COL24A1: variants seen among roughly 807,000 people sequenced by gnomAD.
COL24A1 encodes collagen alpha-1(XXIV) chain.
In COL24A1, 224 loss-of-function variants were observed where a neutral mutation model predicts 253.9. The ratio of observed to expected loss-of-function variants is 0.88; its 90% CI spans 0.79 to 0.99. The LOEUF (loss-of-function observed/expected upper bound fraction) is 0.99, where lower values mean the gene tolerates loss of function less well. Ranked by LOEUF, COL24A1 falls within the 50% of genes least tolerant of loss-of-function variation. COL24A1 has a pLI of 0.00. For missense variants in COL24A1, 2,131 were observed against 2,068.5 expected (o/e 1.03, Z -0.59); for synonymous variants, 685 against 673.7 (o/e 1.02, Z -0.26).
At chr1:85,877,277 G>C (rs144359786) in intron 32 of COL24A1, 102 bp from the exon 33 acceptor site, 11 of 724,972 alleles carry the variant, frequency 1.5e-5, no homozygotes, top group Admixed American at 6.5e-5. Context: ...CATAACACAT[G>C]ATTATGTAAA....
At chr1:85,797,709 T>C (rs1670983831) in intron 47 of COL24A1, among the ~76,000 whole-genome samples, 1 of 152,198 alleles carries the variant, frequency 6.6e-6, no homozygotes, top group African/African-American at 2.4e-5. Context: ...CTCTACTTCA[T>C]GGAGGTTTTG....
chr1:85,741,327 A>G (rs1311440158), intron 57 of COL24A1, among the ~76,000 whole-genome samples: 2 of 152,076 alleles, frequency 1.3e-5, no homozygotes, highest in Non-Finnish European at 2.9e-5. Context: ...TTTTGAAATT[A>G]TTTGTGGAAA....
chr1:85,852,295 G>A (rs1570919061), intron 37 of COL24A1, among the ~76,000 whole-genome samples: 1 of 151,930 alleles, frequency 6.6e-6, no homozygotes, highest in African/African-American at 2.4e-5. Context: ...ATTTCCATTG[G>A]TCTGTTTGTT....
intron 19 of COL24A1, among the ~76,000 whole-genome samples, chr1:86,015,883 C>CTTTTTTTTT (rs34005326): frequency 7.3e-6 from 1 of 136,204 alleles, no homozygotes; most frequent in African/African-American, 2.7e-5. Flanking sequence ...TCTACTTTTT[C>CTTTTTTTTT]TTTTTTTTTT....
intron 43 of COL24A1, among the ~76,000 whole-genome samples, chr1:85,834,805 C>T (rs1017651934): frequency 6.6e-6 from 1 of 152,102 alleles, no homozygotes; most frequent in African/African-American, 2.4e-5. Context: ...CCTCCATGTC[C>T]TCTGGCTCTC....
chr1:85,734,648 G>C, intron 59 of COL24A1, 101 bp downstream of exon 59: 1 of 1,018,974 alleles, frequency 9.8e-7, no homozygotes, highest in East Asian at 2.4e-5. Context: ...TTCTGTATCT[G>C]CAGTTTGTAA....
intron 42 of COL24A1, among the ~76,000 whole-genome samples, chr1:85,839,570 A>G (rs1028666499): frequency 6.6e-6 from 1 of 151,898 alleles, no homozygotes; most frequent in African/African-American, 2.4e-5. Context: ...AAAAAAATTA[A>G]AAAATAATAA....
chr1:86,001,679 G>GGAA (rs1244900650), intron 19 of COL24A1, among the ~76,000 whole-genome samples: 4 of 152,206 alleles, frequency 2.6e-5, no homozygotes, highest in African/African-American at 9.6e-5. Context: ...GATGGGAAGG[G>GGAA]CAAATTATAG....
intron 28 of COL24A1, among the ~76,000 whole-genome samples, chr1:85,901,819 C>T (rs1204013522): frequency 1.6e-4 from 6 of 38,504 alleles, no homozygotes; most frequent in Non-Finnish European, 3.1e-4. Context: ...GATGAGACTC[C>T]GTCTCAAAAA....
At chr1:85,833,103 C>G (rs931955058) in intron 43 of COL24A1, among the ~76,000 whole-genome samples, 1 of 152,080 alleles carries the variant, frequency 6.6e-6, no homozygotes, top group Non-Finnish European at 1.5e-5. Flanking sequence ...TACGTCCCAT[C>G]AATACCTAAT....
chr1:85,878,209 C>G (rs1236706051), intron 32 of COL24A1, among the ~76,000 whole-genome samples: 3 of 152,132 alleles, frequency 2.0e-5, no homozygotes, highest in African/African-American at 7.2e-5. Flanking sequence ...ATTTATTTCC[C>G]ACAGTTCTGG....
intron 20 of COL24A1, among the ~76,000 whole-genome samples, chr1:85,980,770 A>C (rs1268504123): frequency 6.6e-6 from 1 of 152,010 alleles, no homozygotes; most frequent in East Asian, 1.9e-4. Context: ...TTAGCCAGGC[A>C]TGGTGGTGGG....
chr1:85,799,582 C>T (rs1671216714), intron 47 of COL24A1, among the ~76,000 whole-genome samples: 1 of 152,106 alleles, frequency 6.6e-6, no homozygotes, highest in Admixed American at 6.5e-5. Context: ...CCTTGTTTCA[C>T]TGAACAACAG....
intron 43 of COL24A1, among the ~76,000 whole-genome samples, chr1:85,831,177 C>G (rs1405705521): frequency 1.3e-5 from 2 of 151,938 alleles, no homozygotes; most frequent in African/African-American, 4.8e-5. Flanking sequence ...ATGAGCAGAG[C>G]CAGCAATTAA....
chr1:85,875,378 G>T, intron 33 of COL24A1, 48 bp from the exon 34 acceptor site: 1 of 1,469,652 alleles, frequency 6.8e-7, no homozygotes, highest in South Asian at 1.1e-5. Context: ...GCAATCTCAT[G>T]AGAAGATGGT....
chr1:85,773,807 C>A (rs1161893200), intron 53 of COL24A1, among the ~76,000 whole-genome samples: 1 of 152,150 alleles, frequency 6.6e-6, no homozygotes, highest in African/African-American at 2.4e-5. Flanking sequence ...ATAATCATGT[C>A]ATCTGCTAAT....
intron 24 of COL24A1, among the ~76,000 whole-genome samples, chr1:85,917,342 G>T (rs932638200): frequency 3.3e-5 from 5 of 151,968 alleles, no homozygotes; most frequent in African/African-American, 7.2e-5. Flanking sequence ...TTTTTATTTT[G>T]AATTTCTCTG....
intron 41 of COL24A1, 130 bp from the exon 42 acceptor site, chr1:85,841,408 G>A: frequency 1.6e-6 from 1 of 608,540 alleles, no homozygotes; most frequent in Non-Finnish European, 2.8e-6. Flanking sequence ...GGAAAACTTT[G>A]ATGTAAGAAA....
In COL24A1 at chr1:85,730,627, T is replaced by C; in HGVS notation, c.5064A>G (p.Pro1688=). Residue 1688 remains proline (P), a synonymous_variant, in exon 60 of 60, where the codon CCA becomes CCG. Transcript: ENST00000370571. The stretch of plus-strand genomic sequence containing the variant: ...GAGGAAGTTTTTGTACTTCAATCAC[T>C]GGAAGTTGATTAGGTTCCTGGGTGT... ...LFHTQEPNQL[P]VIEVQKLPHL... 6.2e-7 allele frequency: 1 copy of C among 1,614,016 alleles called. No individual in the cohort carries two copies. Among genetic ancestry groups the C allele is most frequent in the Non-Finnish European group, 8.5e-7 (1 of 1,179,872 alleles).
Sources: allele counts gnomAD v4.1 joint callset (sites outside exome capture counted in the v4.1 genomes callset), GRCh38; gene constraint gnomAD v4.1.1; transcripts MANE v1.5; gene names NCBI Gene and HGNC (gene_info 2026-07-23, HGNC 2026-07-21).